TNS1: variants seen among roughly 807,000 people sequenced by gnomAD.
The protein encoded by TNS1 is tensin 1.
In TNS1, 62 loss-of-function variants were observed where a neutral mutation model predicts 168.6. The ratio of observed to expected loss-of-function variants is 0.37; its 90% CI spans 0.30 to 0.45. The LOEUF (loss-of-function observed/expected upper bound fraction) is 0.45, where lower values mean the gene tolerates loss of function less well. TNS1 is among the 20% of genes least tolerant of loss of function. The pLI is 1.00. For synonymous variants in TNS1, 934 were observed against 933.2 expected, an observed-to-expected ratio of 1.00 and a Z score of -0.02; for missense variants, 2,240 against 2,339.4, an observed-to-expected ratio of 0.96 and a Z score of 0.88.
At chr2:217,886,478 G>T in intron 13 of TNS1, 56 bp downstream of exon 13, 1 of 1,392,134 alleles carries the variant, frequency 7.2e-7, no homozygotes, top group Non-Finnish European at 1.0e-6. Flanking sequence ...AGAGAAGATG[G>T]AAGATGAAAG....
At chr2:217,859,467 G>C in intron 18 of TNS1, 1 of 612,872 alleles carries the variant, frequency 1.6e-6, no homozygotes. Context: ...TCCCAGAGGT[G>C]AACACAGGAC....
intron 3 of TNS1, among the ~76,000 whole-genome samples, chr2:217,977,862 C>A (rs1041955256): frequency 3.9e-5 from 6 of 152,126 alleles, no homozygotes; most frequent in African/African-American, 1.4e-4. Flanking sequence ...GAAGAGCAAA[C>A]GTAGGGAGTG....
intron 4 of TNS1, among the ~76,000 whole-genome samples, chr2:217,910,576 G>C (rs150288438): frequency 0.012 from 1,809 of 152,122 alleles, 41 homozygotes; most frequent in African/African-American, 0.039. Flanking sequence ...GGGAGGCCGG[G>C]GCCAGTGGGA....
chr2:217,916,133 C>A lies in TNS1; in HGVS notation c.228+4062G>T, dbSNP rs868236502. ...GTTTATTTTTGTAAAGTGTTTAGAA[C>A]GAAGCTCGGCAGATATGAAGTTCCA... On this transcript the variant is annotated intron_variant, in intron 4 of 32. Transcript: ENST00000682258. 2.0e-5 allele frequency among the ~76,000 whole-genome samples: 3 copies of A among 152,258 alleles called. No individual in the cohort carries two copies. In the South Asian group the frequency reaches 6.2e-4, roughly 32 times the overall value.
chr2:217,855,160 A>G (rs1295881869), intron 18 of TNS1, among the ~76,000 whole-genome samples: 2 of 152,196 alleles, frequency 1.3e-5, no homozygotes, highest in African/African-American at 4.8e-5. Context: ...TGGAAATGTC[A>G]GACCTTTTCC....
At chr2:217,999,791 A>G (rs1407507140) in intron 1 of TNS1, among the ~76,000 whole-genome samples, 3 of 152,238 alleles carry the variant, frequency 2.0e-5, no homozygotes, top group African/African-American at 4.8e-5. Flanking sequence ...CAGGACACCA[A>G]CTCCAGGAAA....
chr2:217,903,274 T>C (rs760081539), intron 6 of TNS1, among the ~76,000 whole-genome samples: 2 of 152,084 alleles, frequency 1.3e-5, no homozygotes, highest in Non-Finnish European at 2.9e-5. Flanking sequence ...TTACAGACCA[T>C]GATACTCATC....
At chr2:217,836,707 G>C (rs776181031) in intron 19 of TNS1, among the ~76,000 whole-genome samples, 8 of 152,258 alleles carry the variant, frequency 5.3e-5, no homozygotes, top group African/African-American at 1.9e-4. Flanking sequence ...GCCTTGTTAC[G>C]AAGTCCCCAG....
At chr2:217,938,263 A>G (rs905025442) in intron 3 of TNS1, among the ~76,000 whole-genome samples, 9 of 152,196 alleles carry the variant, frequency 5.9e-5, no homozygotes, top group African/African-American at 2.2e-4. Context: ...CTGGGTGGGA[A>G]CTGCGTTGGG....
chr2:218,007,011 T>A (rs1325125780), upstream of TNS1, among the ~76,000 whole-genome samples: 3 of 152,104 alleles, frequency 2.0e-5, no homozygotes, highest in East Asian at 5.8e-4. Context: ...TCCCAGACCC[T>A]GGATTTTTTC....
chr2:217,840,796 C>T (rs544186127), intron 19 of TNS1, among the ~76,000 whole-genome samples: 1 of 152,316 alleles, frequency 6.6e-6, no homozygotes, highest in South Asian at 2.1e-4. Flanking sequence ...TCCTGAGCAC[C>T]CTCATTGCAA....
chr2:217,821,717 C>T (rs958220631), intron 23 of TNS1, 23 bp downstream of exon 23: 2 of 1,412,408 alleles, frequency 1.4e-6, no homozygotes, highest in Non-Finnish European at 1.8e-6. Flanking sequence ...CCATCCCCCA[C>T]CCACTGCCCC....
At chr2:217,990,348 GCCACACACCCTCAACACACATCAT>G (rs1958330714) in intron 2 of TNS1, among the ~76,000 whole-genome samples, 1 of 132,640 alleles carries the variant, frequency 7.5e-6, no homozygotes, top group Admixed American at 7.5e-5. Flanking sequence ...CCACACACCA[GCCACACACCCTCAACACACATCAT>G]CCACACACCA....
intron 3 of TNS1, among the ~76,000 whole-genome samples, chr2:217,934,111 G>C (rs1001340839): frequency 6.6e-6 from 1 of 152,194 alleles, no homozygotes; most frequent in South Asian, 2.1e-4. Context: ...TGTTGGCCAA[G>C]GTCACACAGC....
intron 18 of TNS1, chr2:217,849,751 C>T (rs985909131): frequency 1.6e-5 from 16 of 985,318 alleles, no homozygotes; most frequent in Non-Finnish European, 1.9e-5. Context: ...GCCTTGAATG[C>T]CCATAGAGGT....
chr2:218,025,793 CA>C (rs1404899969), intron 1 of TNS1, among the ~76,000 whole-genome samples: 1 of 152,114 alleles, frequency 6.6e-6, no homozygotes, highest in Non-Finnish European at 1.5e-5. Context: ...CCTCCTGTCT[CA>C]GCCTGCCGGG....
intron 19 of TNS1, chr2:217,842,203 T>C (rs766371926): frequency 4.3e-6 from 3 of 693,238 alleles, no homozygotes; most frequent in Non-Finnish European, 7.9e-6. Flanking sequence ...CCCAGTGCTA[T>C]GCTTAATCTG....
intron 7 of TNS1, 21 bp downstream of exon 7, chr2:217,900,441 TG>T: frequency 1.3e-6 from 2 of 1,534,472 alleles, no homozygotes; most frequent in South Asian, 2.4e-5. Flanking sequence ...TCCCGCCCCC[TG>T]CCCCCACGGG....
chr2:217,892,083 A>G (rs1168616251), intron 11 of TNS1, among the ~76,000 whole-genome samples: 4 of 152,100 alleles, frequency 2.6e-5, no homozygotes, highest in African/African-American at 7.2e-5. Context: ...AGCCTGGCAC[A>G]TTGTCTGTTC....
Sources: gnomAD v4.1 joint callset for allele counts (sites outside exome capture counted in the v4.1 genomes callset) on GRCh38, gnomAD v4.1.1 for gene constraint, MANE v1.5 for transcripts, NCBI Gene and HGNC (gene_info 2026-07-23, HGNC 2026-07-21) for gene names.